CELF4: variants seen among roughly 807,000 people sequenced by gnomAD.
CELF4 encodes CUG-BP- and ETR-3-like factor 4.
A neutral mutation model predicts 59.9 loss-of-function variants in CELF4; 18 were observed. That is an observed-to-expected ratio of 0.30 (90% CI 0.21 to 0.45). CELF4 has a LOEUF of 0.45. Ranked by LOEUF, CELF4 falls within the 20% of genes least tolerant of loss-of-function variation. CELF4 has a pLI of 1.00. For synonymous variants in CELF4, 261 were observed against 267.1 expected (o/e 0.98, Z 0.22); for missense variants, 456 against 689.0 (o/e 0.66, Z 3.79).
intron 1 of CELF4, among the ~76,000 whole-genome samples, chr18:37,505,114 C>T (rs968926264): frequency 3.3e-5 from 5 of 151,018 alleles, no homozygotes; most frequent in African/African-American, 4.9e-5. Context: ...GGCAACTGTC[C>T]TATTAGGAGA....
At chr18:37,363,086 G>T (rs1036014133) in intron 2 of CELF4, among the ~76,000 whole-genome samples, 14 of 152,174 alleles carry the variant, frequency 9.2e-5, no homozygotes, top group Non-Finnish European at 1.5e-4. Flanking sequence ...CCCCTGAAGA[G>T]AATTCACCCC....
intron 2 of CELF4, among the ~76,000 whole-genome samples, chr18:37,372,413 T>C (rs755324482): frequency 4.6e-5 from 7 of 152,080 alleles, no homozygotes; most frequent in African/African-American, 1.7e-4. Context: ...TTCTCACTCA[T>C]AGGTAGGAAT....
At chr18:37,528,785 T>C (rs544041467) in intron 1 of CELF4, among the ~76,000 whole-genome samples, 41 of 152,292 alleles carry the variant, frequency 2.7e-4, no homozygotes, top group Middle Eastern at 3.4e-3. Context: ...ATTTTTGTAG[T>C]AACAATACTA....
chr18:37,542,889 A>G (rs1370540503), intron 1 of CELF4, among the ~76,000 whole-genome samples: 6 of 152,148 alleles, frequency 3.9e-5, no homozygotes, highest in Non-Finnish European at 5.9e-5. Flanking sequence ...CCTGGCTCTC[A>G]GACATGAAAA....
intron 1 of CELF4, among the ~76,000 whole-genome samples, chr18:37,535,471 A>C (rs1213660435): frequency 3.3e-5 from 5 of 152,170 alleles, no homozygotes; most frequent in Non-Finnish European, 7.3e-5. Flanking sequence ...CACAACTCTG[A>C]GATCTATATG....
At chr18:37,318,133 G>T (rs909098650) in intron 3 of CELF4, among the ~76,000 whole-genome samples, 1 of 152,148 alleles carries the variant, frequency 6.6e-6, no homozygotes, top group African/African-American at 2.4e-5. Context: ...TGTCCTCTGG[G>T]TTTCGGGGAC....
chr18:37,295,660 TAAG>T (rs2095596971), intron 3 of CELF4, among the ~76,000 whole-genome samples: 1 of 152,216 alleles, frequency 6.6e-6, no homozygotes. Flanking sequence ...ATAAAGAGGT[TAAG>T]AAGTTCACCT....
intron 2 of CELF4, among the ~76,000 whole-genome samples, chr18:37,327,007 T>C (rs939718161): frequency 1.3e-5 from 2 of 152,178 alleles, no homozygotes; most frequent in African/African-American, 4.8e-5. Context: ...CCAGCCTCCT[T>C]GGGGACGATT....
chr18:37,543,327 AGGCCGTACCCT>A (rs2099979055), intron 1 of CELF4, among the ~76,000 whole-genome samples: 1 of 152,114 alleles, frequency 6.6e-6, no homozygotes, highest in Non-Finnish European at 1.5e-5. Context: ...CTCCAAACCC[AGGCCGTACCCT>A]GACCTACCTC....
chr18:37,439,832 T>C (rs2099706713), intron 2 of CELF4, among the ~76,000 whole-genome samples: 1 of 152,198 alleles, frequency 6.6e-6, no homozygotes, highest in African/African-American at 2.4e-5. Context: ...TTGCATTTCT[T>C]TGGGGAAACA....
chr18:37,351,608 CTT>C (rs2098442191), intron 2 of CELF4, among the ~76,000 whole-genome samples: 1 of 89,846 alleles, frequency 1.1e-5, no homozygotes. Flanking sequence ...TTTTCTTCTT[CTT>C]CTTTTTTTTT....
chr18:37,350,398 C>G (rs1225831437), intron 2 of CELF4, among the ~76,000 whole-genome samples: 2 of 152,192 alleles, frequency 1.3e-5, no homozygotes, highest in Admixed American at 1.3e-4. Context: ...CTCAGGACAA[C>G]AGCTCACTCA....
chr18:37,470,875 T>TGACAGAGAGAGA (rs2099819653), intron 2 of CELF4, among the ~76,000 whole-genome samples: 1 of 102,130 alleles, frequency 9.8e-6, no homozygotes, highest in East Asian at 2.8e-4. Context: ...TGTGTGTGTG[T>TGACAGAGAGAGA]GTGTGTGTGT....
intron 2 of CELF4, among the ~76,000 whole-genome samples, chr18:37,343,614 C>T (rs995117605): frequency 2.6e-5 from 4 of 151,702 alleles, no homozygotes; most frequent in Non-Finnish European, 4.4e-5. Context: ...TGTGGGGGTG[C>T]GTGTGTATAT....
intron 2 of CELF4, among the ~76,000 whole-genome samples, chr18:37,384,920 C>G (rs1028284263): frequency 5.9e-5 from 9 of 152,206 alleles, no homozygotes; most frequent in African/African-American, 2.2e-4. Flanking sequence ...CCTCATTAAA[C>G]TTACTAATGA....
chr18:37,368,237 T>C (rs687395), intron 2 of CELF4, among the ~76,000 whole-genome samples: 6,407 of 152,210 alleles, frequency 0.042, 448 homozygotes, highest in African/African-American at 0.15. Context: ...GAGGCTTTGG[T>C]TTCCTCTGAG....
intron 2 of CELF4, among the ~76,000 whole-genome samples, chr18:37,343,218 G>A (rs573030675): frequency 1.4e-4 from 21 of 152,306 alleles, no homozygotes; most frequent in African/African-American, 4.6e-4. Context: ...AGGTAGAAAA[G>A]AAGTGTGCAT....
At chr18:37,414,919 C>T (rs751086267) in intron 2 of CELF4, among the ~76,000 whole-genome samples, 5 of 152,244 alleles carry the variant, frequency 3.3e-5, no homozygotes, top group Admixed American at 6.5e-5. Flanking sequence ...CATCTCCCCA[C>T]TCATCCACCA....
At chr18:37,441,898 C>T (rs2099725969) in intron 2 of CELF4, among the ~76,000 whole-genome samples, 1 of 152,100 alleles carries the variant, frequency 6.6e-6, no homozygotes. Flanking sequence ...ACCTGAACTG[C>T]AAAGACCCTA....
Sources: gnomAD v4.1 joint callset for allele counts (sites outside exome capture counted in the v4.1 genomes callset) on GRCh38, gnomAD v4.1.1 for gene constraint, MANE v1.5 for transcripts, NCBI Gene and HGNC (gene_info 2026-07-23, HGNC 2026-07-21) for gene names.